Variants in WWC1 observed in about 807,000 individuals in gnomAD.
WWC1 encodes the protein protein KIBRA.
WWC1 carries 55 observed loss-of-function variants against 138.4 expected under a neutral mutation model. That is an observed-to-expected ratio of 0.40 (90% CI 0.32 to 0.50). The LOEUF (loss-of-function observed/expected upper bound fraction) is 0.50. Among genes scored for constraint, WWC1 ranks in the 20% least tolerant of loss-of-function variants. WWC1 has a pLI of 0.72. For synonymous variants in WWC1, 524 were observed against 564.9 expected (o/e 0.93, Z 1.03); for missense variants, 1,226 against 1,420.4 (o/e 0.86, Z 2.20).
chr5:168,404,225 AAAC>A (rs1350789611), intron 5 of WWC1, among the ~76,000 whole-genome samples: 3 of 152,224 alleles, frequency 2.0e-5, no homozygotes, highest in Non-Finnish European at 4.4e-5. Flanking sequence ...ATGCTCCAAC[AAAC>A]AACAACTCCC....
intron 15 of WWC1, among the ~76,000 whole-genome samples, chr5:168,439,541 T>C (rs1270589876): frequency 6.6e-6 from 1 of 151,306 alleles, no homozygotes; most frequent in Admixed American, 6.6e-5. Flanking sequence ...GCAGGAGAAT[T>C]GCTTGAACCT....
In WWC1 at chr5:168,431,300, G is replaced by A; in HGVS notation, c.2136G>A (p.Leu712=). The A allele has an allele frequency of 1.9e-6, 3 of 1,614,108 alleles. No homozygotes were observed. Among genetic ancestry groups the A allele is most frequent in the African/African-American group, 1.3e-5 (1 of 75,028 alleles). The change falls in exon 15 of 23, where the codon CTG becomes CTA. Residue 712 remains leucine (L), a synonymous_variant. Coordinates refer to ENST00000265293, the MANE Select transcript of WWC1 (RefSeq NM_015238.3). ...VLPCSESTTC[L]FRTRPLDASD... ...CTTGCTCTGAAAGCACAACCTGCCTGTTCCGGACCCGGCCTCTGGACGCCT... is the reference window on the plus strand; with the variant it reads ...CTTGCTCTGAAAGCACAACCTGCCTATTCCGGACCCGGCCTCTGGACGCCT...
At chr5:168,366,562 A>G (rs1776303831) in intron 1 of WWC1, among the ~76,000 whole-genome samples, 2 of 152,106 alleles carry the variant, frequency 1.3e-5, no homozygotes. Flanking sequence ...GTTCACTGCA[A>G]GTGGAATCAG....
At chr5:168,337,259 C>G (rs958223292) in intron 1 of WWC1, among the ~76,000 whole-genome samples, 2 of 152,176 alleles carry the variant, frequency 1.3e-5, no homozygotes, top group African/African-American at 4.8e-5. Flanking sequence ...CCATATACCC[C>G]ACTCTCCAAC....
chr5:168,444,376 G>A (rs1561775505), intron 16 of WWC1, 118 bp from the exon 17 acceptor site: 1 of 1,043,568 alleles, frequency 9.6e-7, no homozygotes, highest in Non-Finnish European at 1.4e-6. Flanking sequence ...GACCACTCTG[G>A]TCTTTGGTTT....
chr5:168,294,169 A>T (rs1032080605), intron 1 of WWC1, among the ~76,000 whole-genome samples: 2 of 152,156 alleles, frequency 1.3e-5, no homozygotes, highest in Non-Finnish European at 2.9e-5. Context: ...TCTCAACAGT[A>T]ATTCTTTACC....
chr5:168,446,872 T>C (rs1270902800), intron 17 of WWC1, among the ~76,000 whole-genome samples: 1 of 152,178 alleles, frequency 6.6e-6, no homozygotes, highest in East Asian at 1.9e-4. Context: ...AAATCCCATG[T>C]AGGAAATGGC....
At chr5:168,345,940 A>T (rs1774429460) in intron 1 of WWC1, among the ~76,000 whole-genome samples, 1 of 152,136 alleles carries the variant, frequency 6.6e-6, no homozygotes, top group Non-Finnish European at 1.5e-5. Flanking sequence ...CCTTGATAAG[A>T]TAATTAAATT....
intron 1 of WWC1, among the ~76,000 whole-genome samples, chr5:168,331,298 A>G (rs1773014318): frequency 6.6e-6 from 1 of 152,112 alleles, no homozygotes; most frequent in Non-Finnish European, 1.5e-5. Flanking sequence ...AAAAGTATAC[A>G]CTCCCATCAA....
Position 168,471,352 on chromosome 5 carries a change from C to T in WWC1, c.*2335C>T, listed in dbSNP as rs545930526. 5 of 152,410 alleles carry T rather than the reference C, an allele frequency of 3.3e-5. No homozygotes were observed. The East Asian group carries it at 5.8e-4, about 18-fold the overall frequency. The allele number at this position is 152,410 out of a possible 1,614,324, so 9.4% of individuals were successfully genotyped here. Reference sequence around the variant, plus strand: ...TGAACACATCAATCTCTGATGTTCTCTCTCCTTCCATTGAATTCCACCAGA... The same window carrying T: ...TGAACACATCAATCTCTGATGTTCTTTCTCCTTCCATTGAATTCCACCAGA... On this transcript the variant is annotated 3_prime_UTR_variant, in exon 23 of 23. Coordinates refer to ENST00000265293, the MANE Select transcript of WWC1 (RefSeq NM_015238.3).
chr5:168,349,264 T>C (rs913370180), intron 1 of WWC1, among the ~76,000 whole-genome samples: 6 of 152,126 alleles, frequency 3.9e-5, no homozygotes, highest in Admixed American at 2.0e-4. Context: ...CTTGGGCACG[T>C]GGGTTTCTGA....
chr5:168,428,436 C>G (rs1055988084), intron 12 of WWC1, among the ~76,000 whole-genome samples: 1 of 151,916 alleles, frequency 6.6e-6, no homozygotes, highest in Admixed American at 6.6e-5. Context: ...GAGAGGAGTC[C>G]AAGCTGGGCA....
chr5:168,295,258 A>G (rs1769427467), intron 1 of WWC1, among the ~76,000 whole-genome samples: 1 of 151,960 alleles, frequency 6.6e-6, no homozygotes, highest in Admixed American at 6.6e-5. Context: ...CTTAAATATT[A>G]TTTCAAACCC....
intron 5 of WWC1, among the ~76,000 whole-genome samples, chr5:168,402,423 T>C (rs1165615387): frequency 6.6e-6 from 1 of 152,158 alleles, no homozygotes; most frequent in Non-Finnish European, 1.5e-5. Context: ...ATTGTAAAGA[T>C]TGAATTGGAA....
chr5:168,401,370 G>C (rs1324428256), intron 5 of WWC1, among the ~76,000 whole-genome samples: 1 of 152,160 alleles, frequency 6.6e-6, no homozygotes, highest in Non-Finnish European at 1.5e-5. Context: ...CACCTGTATG[G>C]ATGGCTGTTT....
At chr5:168,309,491 C>T (rs541577038) in intron 1 of WWC1, among the ~76,000 whole-genome samples, 18 of 152,072 alleles carry the variant, frequency 1.2e-4, no homozygotes, top group African/African-American at 4.3e-4. Flanking sequence ...TGGTCCCTAC[C>T]TACCCAGCCC....
chr5:168,401,747 A>G (rs57847392), intron 5 of WWC1, among the ~76,000 whole-genome samples: 1 of 152,168 alleles, frequency 6.6e-6, no homozygotes, highest in Non-Finnish European at 1.5e-5. Flanking sequence ...GTGTGTATAC[A>G]TATACCAATC....
At chr5:168,399,641 C>A in intron 5 of WWC1, 74 bp downstream of exon 5, 1 of 1,425,314 alleles carries the variant, frequency 7.0e-7, no homozygotes, top group Non-Finnish European at 9.8e-7. Flanking sequence ...CTCTGTCTCT[C>A]TCTCCTTCAG....
chr5:168,365,481 G>C (rs1776214297), intron 1 of WWC1, among the ~76,000 whole-genome samples: 1 of 152,208 alleles, frequency 6.6e-6, no homozygotes, highest in South Asian at 2.1e-4. Flanking sequence ...TCACCACCCA[G>C]TATTAAACTT....
Sources: allele counts gnomAD v4.1 joint callset (sites outside exome capture counted in the v4.1 genomes callset), GRCh38; gene constraint gnomAD v4.1.1; transcripts MANE v1.5; gene names NCBI Gene and HGNC (gene_info 2026-07-23, HGNC 2026-07-21).